The following ITGA8 variants were observed in gnomAD, a reference collection of about 807,000 sequenced individuals.
ITGA8 encodes integrin alpha-8.
In ITGA8, 91 loss-of-function variants were observed where a neutral mutation model predicts 142.3. The ratio of observed to expected loss-of-function variants is 0.64; its 90% CI spans 0.54 to 0.76. The LOEUF is 0.76. Among genes scored for constraint, ITGA8 ranks in the 30% least tolerant of loss-of-function variants. The pLI is 0.00. For synonymous variants in ITGA8, 505 were observed against 485.2 expected (o/e 1.04, Z -0.54); for missense variants, 1,406 against 1,327.7 (o/e 1.06, Z -0.92).
chr10:15,634,141 C>T (rs1833731093), intron 13 of ITGA8, among the ~76,000 whole-genome samples: 2 of 152,152 alleles, frequency 1.3e-5, no homozygotes, highest in Non-Finnish European at 2.9e-5. Flanking sequence ...CTCTTATCAC[C>T]TTAGCAAGAA....
At chr10:15,593,230 A>G in intron 21 of ITGA8, among the ~76,000 whole-genome samples, 1 of 152,234 alleles carries the variant, frequency 6.6e-6, no homozygotes, top group East Asian at 1.9e-4. Context: ...TATTATTTTC[A>G]TAACGTGGAA....
intron 6 of ITGA8, among the ~76,000 whole-genome samples, chr10:15,674,789 A>C (rs1834594644): frequency 6.6e-6 from 1 of 152,078 alleles, no homozygotes; most frequent in South Asian, 2.1e-4. Context: ...AAAATACAAA[A>C]ATTAGCCAGG....
intron 23 of ITGA8, among the ~76,000 whole-genome samples, chr10:15,576,649 C>T (rs1205868351): frequency 6.6e-6 from 1 of 152,176 alleles, no homozygotes; most frequent in Non-Finnish European, 1.5e-5. Flanking sequence ...TATTCTTACT[C>T]TAGGGCAAGT....
At chr10:15,545,735 A>G (rs1428498883) in intron 27 of ITGA8, among the ~76,000 whole-genome samples, 1 of 152,036 alleles carries the variant, frequency 6.6e-6, no homozygotes, top group African/African-American at 2.4e-5. Flanking sequence ...TTTAAAATTC[A>G]GTATTGTGTG....
intron 8 of ITGA8, among the ~76,000 whole-genome samples, chr10:15,663,631 C>T (rs1161767867): frequency 2.0e-5 from 3 of 151,662 alleles, no homozygotes; most frequent in Non-Finnish European, 4.4e-5. Context: ...TGCAGTGGTG[C>T]AATGATGACT....
At chr10:15,556,808 C>A (rs998751280) in intron 26 of ITGA8, among the ~76,000 whole-genome samples, 1 of 152,174 alleles carries the variant, frequency 6.6e-6, no homozygotes, top group Admixed American at 6.5e-5. Context: ...TTCATTCTAT[C>A]TAACTATATT....
chr10:15,524,959 T>G (rs1246684807), intron 28 of ITGA8, among the ~76,000 whole-genome samples: 1 of 152,220 alleles, frequency 6.6e-6, no homozygotes, highest in Non-Finnish European at 1.5e-5. Context: ...TTCTCATGAC[T>G]AAACACTGAC....
At position 15,616,597 on chromosome 10, in the gene ITGA8, G is replaced by A. The variant is rs7099530; in HGVS notation, c.1400-38C>T. 356,472 of 1,568,148 alleles carry A rather than the reference G, an allele frequency of 0.23. 42,216 individuals are homozygous for A. Among genetic ancestry groups the A allele is most frequent in the Admixed American group, 0.36 (21,647 of 59,918 alleles). ...AAAACACAGAACACATGCGTGAATC[G>A]TATAGAAACAATTTACTAAGTTCAA... On this transcript the variant is annotated intron_variant, in intron 13 of 29. Coordinates refer to ENST00000378076, the MANE Select transcript of ITGA8 (RefSeq NM_003638.3).
At chr10:15,562,418 C>T (rs7916526) in intron 25 of ITGA8, among the ~76,000 whole-genome samples, 58,974 of 151,888 alleles carry the variant, frequency 0.39, 12,010 homozygotes, top group African/African-American at 0.5. Flanking sequence ...ATTTTCAGGG[C>T]AGGGGCTTGG....
intron 2 of ITGA8, among the ~76,000 whole-genome samples, chr10:15,694,143 T>C (rs1261979261): frequency 6.9e-6 from 1 of 145,652 alleles, no homozygotes; most frequent in Non-Finnish European, 1.5e-5. Flanking sequence ...ATAGATAATA[T>C]ATCATATATC....
chr10:15,653,942 A>G (rs1457309259), intron 11 of ITGA8, among the ~76,000 whole-genome samples: 1 of 149,952 alleles, frequency 6.7e-6, no homozygotes, highest in Non-Finnish European at 1.5e-5. Context: ...TCAAGGGATT[A>G]TCCTGCCTCA....
At chr10:15,573,465 G>A (rs1834225263) in intron 24 of ITGA8, among the ~76,000 whole-genome samples, 1 of 150,886 alleles carries the variant, frequency 6.6e-6, no homozygotes, top group Non-Finnish European at 1.5e-5. Context: ...TGGCCTTGGT[G>A]ACTGTGTTAT....
intron 8 of ITGA8, among the ~76,000 whole-genome samples, chr10:15,664,852 T>TC (rs1490558055): frequency 6.6e-6 from 1 of 152,152 alleles, no homozygotes; most frequent in Non-Finnish European, 1.5e-5. Context: ...GAACTCATCC[T>TC]TTTTATGGCT....
chr10:15,603,405 A>G (rs1833137410), intron 20 of ITGA8, among the ~76,000 whole-genome samples: 1 of 152,222 alleles, frequency 6.6e-6, no homozygotes. Context: ...CAAGTATTTA[A>G]GGAGCACCTA....
intron 27 of ITGA8, among the ~76,000 whole-genome samples, chr10:15,547,646 A>G (rs17300434): frequency 0.18 from 27,038 of 152,206 alleles, 2,507 homozygotes; most frequent in Admixed American, 0.2. Flanking sequence ...TGCAGAGCCA[A>G]CCACAGGAGT....
At chr10:15,633,083 G>A (rs1833712226) in intron 13 of ITGA8, among the ~76,000 whole-genome samples, 1 of 152,074 alleles carries the variant, frequency 6.6e-6, no homozygotes, top group Non-Finnish European at 1.5e-5. Context: ...GCACCACTTT[G>A]GAATACAGAG....
intron 13 of ITGA8, among the ~76,000 whole-genome samples, chr10:15,629,893 A>G (rs1484555039): frequency 6.6e-6 from 1 of 152,078 alleles, no homozygotes; most frequent in Non-Finnish European, 1.5e-5. Flanking sequence ...GTGCCACTGC[A>G]CCCCAGTCTT....
rs768321774 is a variant in ITGA8 at position 15,592,287 on chromosome 10, T to A, written c.2229A>T (p.Arg743=). Residue 743 remains arginine (R), a synonymous_variant, in exon 22 of 30, where the codon CGA becomes CGT. Coordinates refer to ENST00000378076, the MANE Select transcript of ITGA8 (RefSeq NM_003638.3). ...VSGTNYSLGL[R]FAVPRLEKTN... ...TTTTCTCAAGACGTGGAACTGCAAA[T>A]CGGAGGCCCAGGGAATACTAAAAAA... The A allele has an allele frequency of 2.5e-6, 4 of 1,613,210 alleles. No individual in the cohort carries two copies. The highest frequency in any genetic ancestry group is 3.4e-6 in the Non-Finnish European group (4 of 1,179,240).
At chr10:15,657,531 T>TTTTTA (rs869085321) in intron 10 of ITGA8, among the ~76,000 whole-genome samples, 3 of 139,640 alleles carry the variant, frequency 2.1e-5, no homozygotes, top group African/African-American at 8.0e-5. Flanking sequence ...TTTTTTTTTT[T>TTTTTA]AACAGAGACA....
Sources: gnomAD v4.1 joint callset for allele counts (sites outside exome capture counted in the v4.1 genomes callset) on GRCh38, gnomAD v4.1.1 for gene constraint, MANE v1.5 for transcripts, NCBI Gene and HGNC (gene_info 2026-07-23, HGNC 2026-07-21) for gene names.